The following NFIA variants were observed in gnomAD, a reference collection of about 807,000 sequenced individuals.
The protein encoded by NFIA is nuclear factor 1 A-type.
A neutral mutation model predicts 62.8 loss-of-function variants in NFIA; 8 were observed. The observed-to-expected ratio is 0.13, with a 90% confidence interval of 0.07 to 0.23. NFIA has a LOEUF of 0.23. Ranked by LOEUF, NFIA falls within the 10% of genes least tolerant of loss-of-function variation. NFIA has a pLI of 1.00. For missense variants in NFIA, 410 were observed against 642.1 expected (o/e 0.64, Z 3.91); for synonymous variants, 235 against 238.1 (o/e 0.99, Z 0.12).
intron 2 of NFIA, among the ~76,000 whole-genome samples, chr1:61,134,717 A>T (rs2100495262): frequency 6.6e-6 from 1 of 152,270 alleles, no homozygotes; most frequent in Non-Finnish European, 1.5e-5. Context: ...AGGCTGGATG[A>T]GGTTACTGAT....
At chr1:61,382,143 G>A (rs954917695) in intron 6 of NFIA, among the ~76,000 whole-genome samples, 56 of 151,982 alleles carry the variant, frequency 3.7e-4, no homozygotes, top group African/African-American at 1.3e-3. Context: ...CCCCTGATGC[G>A]GAGACTAGGA....
chr1:61,381,348 A>C (rs1410951225), intron 6 of NFIA, among the ~76,000 whole-genome samples: 1 of 152,068 alleles, frequency 6.6e-6, no homozygotes. Flanking sequence ...TTACATGATG[A>C]TAACCTTAGG....
intron 3 of NFIA, among the ~76,000 whole-genome samples, chr1:61,302,249 A>G (rs1659534353): frequency 6.6e-6 from 1 of 152,178 alleles, no homozygotes; most frequent in Non-Finnish European, 1.5e-5. Flanking sequence ...CCTATATGGA[A>G]TGCAGTCATG....
chr1:61,096,469 G>A (rs977939175), intron 2 of NFIA, among the ~76,000 whole-genome samples: 1 of 151,286 alleles, frequency 6.6e-6, no homozygotes, highest in Non-Finnish European at 1.5e-5. Flanking sequence ...CTGCCAAAGT[G>A]CTGGGATTAC....
At chr1:61,267,474 A>C (rs1003546232) in intron 2 of NFIA, among the ~76,000 whole-genome samples, 4 of 152,180 alleles carry the variant, frequency 2.6e-5, no homozygotes, top group Non-Finnish European at 5.9e-5. Flanking sequence ...GCACCATTGC[A>C]CTCCAGCCTG....
chr1:61,352,668 T>C (rs1662607240), intron 5 of NFIA, 101 bp downstream of exon 5: 6 of 945,580 alleles, frequency 6.3e-6, no homozygotes, highest in Non-Finnish European at 1.0e-5. Context: ...CCTTTAGTAA[T>C]AGAAGATAAC....
At chr1:61,427,381 C>T (rs1666916272) in intron 10 of NFIA, among the ~76,000 whole-genome samples, 1 of 152,130 alleles carries the variant, frequency 6.6e-6, no homozygotes, top group African/African-American at 2.4e-5. Context: ...CTCTGATTTC[C>T]TAATTAGAAC....
chr1:61,381,039 C>G (rs1190659048), intron 6 of NFIA, among the ~76,000 whole-genome samples: 1 of 150,912 alleles, frequency 6.6e-6, no homozygotes, highest in African/African-American at 2.4e-5. Flanking sequence ...TGAGTCCAGC[C>G]ATTTGCTATC....
intron 2 of NFIA, among the ~76,000 whole-genome samples, chr1:61,230,099 C>T (rs1430139370): frequency 2.6e-5 from 4 of 151,992 alleles, no homozygotes. Flanking sequence ...TCTACCTAGA[C>T]AAAAGGTTTA....
intron 4 of NFIA, among the ~76,000 whole-genome samples, chr1:61,351,595 G>A (rs1360367153): frequency 2.6e-5 from 4 of 152,088 alleles, no homozygotes; most frequent in Non-Finnish European, 4.4e-5. Flanking sequence ...CTTGTTATTT[G>A]TCCATTGGAA....
At chr1:61,155,572 C>G (rs1387786839) in intron 2 of NFIA, among the ~76,000 whole-genome samples, 1 of 149,906 alleles carries the variant, frequency 6.7e-6, no homozygotes, top group South Asian at 2.1e-4. Context: ...ACTCAGGAGG[C>G]TGAGGCAGGA....
chr1:61,172,923 C>T lies in NFIA; in HGVS notation c.559+84243C>T, dbSNP rs552397583. 6.6e-5 allele frequency among the ~76,000 whole-genome samples: 10 copies of T among 152,270 alleles called. No homozygotes were observed. In the East Asian group the frequency reaches 1.9e-3, roughly 29 times the overall value. The stretch of plus-strand genomic sequence containing the variant: ...AAAATAATAATCCTTTATATTTGTA[C>T]AGTATTTGCAGTTTTATAAGGAACT... On this transcript the variant is annotated intron_variant, in intron 2 of 10. Transcript: ENST00000403491.
intron 2 of NFIA, among the ~76,000 whole-genome samples, chr1:61,256,810 G>A (rs1013157208): frequency 6.6e-4 from 100 of 151,982 alleles, no homozygotes; most frequent in African/African-American, 2.3e-3. Flanking sequence ...ATTTATTTAG[G>A]ACCCTCTGTT....
chr1:61,256,771 A>T (rs1656423984), intron 2 of NFIA, among the ~76,000 whole-genome samples: 1 of 152,206 alleles, frequency 6.6e-6, no homozygotes. Flanking sequence ...TTAGCAAAAT[A>T]CAAGGATCCA....
intron 1 of NFIA, among the ~76,000 whole-genome samples, chr1:61,084,072 A>C (rs1170693612): frequency 6.6e-6 from 1 of 152,092 alleles, no homozygotes; most frequent in East Asian, 1.9e-4. Flanking sequence ...GCTTTGGTAC[A>C]TTAGGATCTG....
chr1:61,387,468 CTTTTTTTTTTT>C (rs33965994), intron 7 of NFIA, among the ~76,000 whole-genome samples: 1 of 95,486 alleles, frequency 1.0e-5, no homozygotes, highest in Non-Finnish European at 2.0e-5. Context: ...CAAGCACTTT[CTTTTTTTTTTT>C]TTTTTTTTTT....
rs374534847 is a variant in NFIA at position 61,405,185 on chromosome 1, G to A, written c.1254+903G>A. Reference sequence around the variant, plus strand: ...GAAATACCTGATTCTGCATATCTGCGCCAGAACAGGCAGCTTTGACTAATG... The same window carrying A: ...GAAATACCTGATTCTGCATATCTGCACCAGAACAGGCAGCTTTGACTAATG... On this transcript the variant is annotated intron_variant, in intron 8 of 10. Transcript: ENST00000403491. Among the ~76,000 whole-genome samples the A allele has an allele frequency of 1.5e-3, 235 of 152,210 alleles. 8 individuals carry two copies. In the South Asian group the frequency reaches 0.047, roughly 31 times the overall value.
At chr1:61,424,762 G>A (rs1217354697) in intron 9 of NFIA, among the ~76,000 whole-genome samples, 2 of 152,116 alleles carry the variant, frequency 1.3e-5, no homozygotes, top group African/African-American at 2.4e-5. Flanking sequence ...AAAACTTTAT[G>A]TTGCTGTTTC....
chr1:61,303,906 G>A (rs1298563900), intron 3 of NFIA, among the ~76,000 whole-genome samples: 2 of 152,096 alleles, frequency 1.3e-5, no homozygotes, highest in East Asian at 3.9e-4. Context: ...ATGCTGTTCC[G>A]AGTACACTGT....
Sources: allele counts gnomAD v4.1 joint callset (sites outside exome capture counted in the v4.1 genomes callset), GRCh38; gene constraint gnomAD v4.1.1; transcripts MANE v1.5; gene names NCBI Gene and HGNC (gene_info 2026-07-23, HGNC 2026-07-21).